The following IL1RAP variants were observed in gnomAD, a reference collection of about 807,000 sequenced individuals.
IL1RAP encodes interleukin 1 receptor accessory protein, also known as interleukin-1 receptor accessory protein.
IL1RAP carries 35 observed loss-of-function variants against 60.7 expected under a neutral mutation model. The observed-to-expected ratio is 0.58, with a 90% CI of 0.44 to 0.76. The LOEUF is 0.76. Among genes scored for constraint, IL1RAP ranks in the 30% least tolerant of loss-of-function variants. The pLI is 0.00. For missense variants in IL1RAP, 572 were observed against 693.9 expected (o/e 0.82, Z 1.97); for synonymous variants, 268 against 250.9 (o/e 1.07, Z -0.64).
Position 190,620,447 on chromosome 3 carries a change from A to G in IL1RAP, c.703+7A>G, listed in dbSNP as rs764497778. The G allele has an allele frequency of 8.1e-6, 13 of 1,608,188 alleles. No individual in the cohort carries two copies. Among genetic ancestry groups the G allele is most frequent in the Non-Finnish European group, 9.3e-6 (11 of 1,177,542 alleles). On this transcript the variant is annotated splice_region_variant and intron_variant, in intron 6 of 11. Coordinates refer to ENST00000447382, the MANE Select transcript of IL1RAP (RefSeq NM_002182.4). ...CTGACTGTAAAGGTAGTAGGTAAGCATGATTAGTGTCCAGTACACACAACA... is the reference window on the plus strand; with the variant it reads ...CTGACTGTAAAGGTAGTAGGTAAGCGTGATTAGTGTCCAGTACACACAACA...
At chr3:190,532,387 C>T (rs892372983) in intron 1 of IL1RAP, among the ~76,000 whole-genome samples, 4 of 151,802 alleles carry the variant, frequency 2.6e-5, no homozygotes, top group African/African-American at 7.3e-5. Flanking sequence ...CTCAGCCTCC[C>T]GAGTAGCTGG....
intron 3 of IL1RAP, among the ~76,000 whole-genome samples, chr3:190,573,518 C>T (rs144060533): frequency 8.1e-4 from 124 of 152,178 alleles, no homozygotes; most frequent in African/African-American, 2.8e-3. Context: ...TTCTCCCTCC[C>T]GCTGCATGCA....
chr3:190,522,289 GCTTCCTTCCTTCCTTCCTTCCTTCCTTC>G (rs72459878), intron 1 of IL1RAP, among the ~76,000 whole-genome samples: 8,403 of 135,442 alleles, frequency 0.062, 398 homozygotes, highest in African/African-American at 0.14. Flanking sequence ...GCCTTCCTTT[GCTTCCTTCCTTCCTTCCTTCCTTCCTTC>G]CTTCCTTCCT....
chr3:190,527,764 A>G (rs1436887335), intron 1 of IL1RAP, among the ~76,000 whole-genome samples: 2 of 146,420 alleles, frequency 1.4e-5, no homozygotes, highest in Non-Finnish European at 3.0e-5. Context: ...ACATTTTCCA[A>G]GTAAAGTTCA....
In IL1RAP at chr3:190,573,008, C is replaced by A. The variant is rs1192479974; in HGVS notation, c.64+8655C>A. Among the ~76,000 whole-genome samples, 12 of 94,274 alleles carry A rather than the reference C, an allele frequency of 1.3e-4. 4 individuals carry two copies. Among genetic ancestry groups the A allele is most frequent in the Admixed American group, 4.4e-4 (4 of 9,062 alleles). The allele number at this position is 94,274 out of a possible 152,430, so 61.8% of individuals were successfully genotyped here. ...CCTCCCGAGTAGCTGGGACTACAGG[C>A]GCCCGCCACCACGCCCGGCTAATTT... On this transcript the variant is annotated intron_variant, in intron 3 of 11. Coordinates refer to ENST00000447382, the MANE Select transcript of IL1RAP (RefSeq NM_002182.4).
intron 3 of IL1RAP, among the ~76,000 whole-genome samples, chr3:190,588,709 G>C (rs918371745): frequency 1.3e-5 from 2 of 152,148 alleles, no homozygotes; most frequent in Non-Finnish European, 2.9e-5. Context: ...CATATGAAAA[G>C]TACATTCTCT....
chr3:190,650,717 G>C lies in IL1RAP; in HGVS notation c.*2012G>C, dbSNP rs1734343282. 1.0e-6 allele frequency: 1 copy of C among 979,880 alleles called. No homozygotes were observed. Among genetic ancestry groups the C allele is most frequent in the East Asian group, 1.1e-4 (1 of 8,774 alleles). The allele number at this position is 979,880 out of a possible 1,614,324, so 60.7% of individuals were successfully genotyped here. On this transcript the variant is annotated 3_prime_UTR_variant, in exon 12 of 12. Coordinates refer to ENST00000447382, the MANE Select transcript of IL1RAP (RefSeq NM_002182.4). Reference sequence around the variant, plus strand: ...TCATTCTTGGATCTACTTTTTTTTAGCCTTATTAATATTTTTCCCTATTAG... The same window carrying C: ...TCATTCTTGGATCTACTTTTTTTTACCCTTATTAATATTTTTCCCTATTAG...
intron 6 of IL1RAP, among the ~76,000 whole-genome samples, chr3:190,621,225 A>G (rs1187955986): frequency 6.6e-6 from 1 of 152,210 alleles, no homozygotes; most frequent in African/African-American, 2.4e-5. Context: ...CTGTTTAGAG[A>G]CACTCAGTGA....
chr3:190,610,045 G>C (rs1168120513), intron 5 of IL1RAP, among the ~76,000 whole-genome samples: 4 of 152,110 alleles, frequency 2.6e-5, no homozygotes, highest in Non-Finnish European at 5.9e-5. Context: ...TGAAGGGGTG[G>C]GAAAAGTTGT....
At chr3:190,627,302 T>C (rs751017419) in intron 7 of IL1RAP, 21 bp from the exon 8 acceptor site, 342 of 1,450,552 alleles carry the variant, frequency 2.4e-4, no homozygotes, top group Non-Finnish European at 2.9e-4. Flanking sequence ...TTTTTTTTGT[T>C]TTTTTGGTTT....
At chr3:190,633,544 A>G (rs112742565) in intron 9 of IL1RAP, among the ~76,000 whole-genome samples, 17 of 151,950 alleles carry the variant, frequency 1.1e-4, no homozygotes, top group Non-Finnish European at 2.2e-4. Flanking sequence ...TTTAGTAGAG[A>G]CGGGGTTTCT....
At chr3:190,608,891 G>C (rs1730587361) in intron 4 of IL1RAP, 104 bp from the exon 5 acceptor site, 1 of 782,034 alleles carries the variant, frequency 1.3e-6, no homozygotes, top group Non-Finnish European at 2.1e-6. Context: ...ATGTATAAAT[G>C]ATGTCTCCGT....
chr3:190,583,865 C>A (rs1234497482), intron 3 of IL1RAP, among the ~76,000 whole-genome samples: 1 of 152,182 alleles, frequency 6.6e-6, no homozygotes, highest in East Asian at 1.9e-4. Context: ...GAGGCAGGAA[C>A]TTAACCTTTT....
intron 4 of IL1RAP, among the ~76,000 whole-genome samples, chr3:190,607,460 G>T (rs1208113751): frequency 1.3e-5 from 2 of 152,092 alleles, no homozygotes; most frequent in Non-Finnish European, 2.9e-5. Flanking sequence ...ATAGCGTTGT[G>T]GGACTTATAT....
intron 1 of IL1RAP, among the ~76,000 whole-genome samples, chr3:190,533,423 G>C (rs1723158100): frequency 6.6e-6 from 1 of 152,168 alleles, no homozygotes; most frequent in Non-Finnish European, 1.5e-5. Context: ...AATTCACTTA[G>C]AAACTTTATA....
Position 190,649,743 on chromosome 3 carries a change from A to G in IL1RAP, c.*1038A>G. 1 of 985,770 alleles carries G rather than the reference A, an allele frequency of 1.0e-6. No individual in the cohort carries two copies. Among genetic ancestry groups the G allele is most frequent in the Non-Finnish European group, 1.2e-6 (1 of 829,938 alleles). 61.1% of individuals were successfully genotyped at this position (985,770 alleles called of 1,614,324 possible). On this transcript the variant is annotated 3_prime_UTR_variant, in exon 12 of 12. Transcript: ENST00000447382. The stretch of plus-strand genomic sequence containing the variant: ...TTGCTTTTGGCATTAATATTCTAAG[A>G]GAATTAACTGTATTTCCTGTCACCT...
chr3:190,551,185 T>A (rs528052667), intron 1 of IL1RAP, among the ~76,000 whole-genome samples: 1 of 152,342 alleles, frequency 6.6e-6, no homozygotes, highest in South Asian at 2.1e-4. Context: ...GTACAAGGAC[T>A]GTGTAGACAA....
chr3:190,618,784 T>G (rs1731505830), intron 5 of IL1RAP, among the ~76,000 whole-genome samples: 1 of 152,218 alleles, frequency 6.6e-6, no homozygotes, highest in African/African-American at 2.4e-5. Context: ...CTACAAGTAT[T>G]GCTTATCTTA....
intron 3 of IL1RAP, among the ~76,000 whole-genome samples, chr3:190,597,720 T>C (rs1361033539): frequency 6.6e-6 from 1 of 152,186 alleles, no homozygotes; most frequent in Non-Finnish European, 1.5e-5. Context: ...CATAGTCTGT[T>C]CTCGTGATCA....
Sources: allele counts gnomAD v4.1 joint callset (sites outside exome capture counted in the v4.1 genomes callset), GRCh38; gene constraint gnomAD v4.1.1; transcripts MANE v1.5; gene names NCBI Gene and HGNC (gene_info 2026-07-23, HGNC 2026-07-21).